The following EFCAB7 variants were observed in gnomAD, a reference collection of about 807,000 sequenced individuals.
EFCAB7 encodes EF-hand calcium-binding domain-containing protein 7.
In EFCAB7, 66 loss-of-function variants were observed where a neutral mutation model predicts 77.1. The observed-to-expected ratio is 0.86, with a 90% CI of 0.70 to 1.05. The LOEUF (loss-of-function observed/expected upper bound fraction) is 1.05, where lower values mean the gene tolerates loss of function less well. EFCAB7 is among the 50% of genes least tolerant of loss of function. The probability of loss-of-function intolerance (pLI) is 0.00; values close to 1 mark genes in which losing one functional copy is unlikely to be tolerated. For synonymous variants in EFCAB7, 225 were observed against 243.3 expected (o/e 0.92, Z 0.70); for missense variants, 638 against 730.5 (o/e 0.87, Z 1.46).
intron 11 of EFCAB7, among the ~76,000 whole-genome samples, chr1:63,567,550 A>G (rs191672601): frequency 1.3e-3 from 198 of 152,334 alleles, no homozygotes; most frequent in Non-Finnish European, 2.0e-3. Flanking sequence ...TTGGGGGGCC[A>G]GAGCAGATCC....
intron 11 of EFCAB7, among the ~76,000 whole-genome samples, chr1:63,563,018 T>C (rs1557687621): frequency 6.6e-6 from 1 of 152,160 alleles, no homozygotes; most frequent in Non-Finnish European, 1.5e-5. Flanking sequence ...TGAATAGTTA[T>C]GGTAACTATT....
At chr1:63,568,589 C>G in intron 12 of EFCAB7, 70 bp downstream of exon 12, 3 of 1,220,094 alleles carry the variant, frequency 2.5e-6, no homozygotes, top group Non-Finnish European at 3.5e-6. Context: ...TTATTCCTTA[C>G]TCTATTCGTA....
chr1:63,528,225 C>T (rs1646631018), intron 2 of EFCAB7, among the ~76,000 whole-genome samples: 1 of 152,130 alleles, frequency 6.6e-6, no homozygotes. Context: ...GGTACATATA[C>T]ACAGTGGAGT....
chr1:63,539,020 A>C (rs1289760135), intron 6 of EFCAB7, among the ~76,000 whole-genome samples: 1 of 152,190 alleles, frequency 6.6e-6, no homozygotes, highest in Non-Finnish European at 1.5e-5. Flanking sequence ...TTTCCAAAGA[A>C]ACTCACAAAT....
chr1:63,556,034 A>C (rs991400399), intron 9 of EFCAB7, among the ~76,000 whole-genome samples: 1 of 152,162 alleles, frequency 6.6e-6, no homozygotes, highest in African/African-American at 2.4e-5. Flanking sequence ...CACCACATCC[A>C]GCCTTATATG....
At chr1:63,537,282 C>T (rs1020104073) in intron 6 of EFCAB7, among the ~76,000 whole-genome samples, 14 of 152,092 alleles carry the variant, frequency 9.2e-5, no homozygotes, top group African/African-American at 3.4e-4. Flanking sequence ...TTAGAGTAAG[C>T]CCCAAACTAT....
intron 10 of EFCAB7, among the ~76,000 whole-genome samples, chr1:63,559,960 A>AT (rs35445895): frequency 4.3e-4 from 63 of 148,110 alleles, no homozygotes; most frequent in South Asian, 1.5e-3. Context: ...AGTGTTAATA[A>AT]TTTTTTTTTT....
At chr1:63,578,563 T>C in the EFCAB7 span, among the ~76,000 whole-genome samples, 1 of 151,978 alleles carries the variant, frequency 6.6e-6, no homozygotes, top group South Asian at 2.1e-4. Flanking sequence ...TGCCTCAGCC[T>C]CCCGAGTAGC....
chr1:63,554,597 C>T (rs1048953937), intron 8 of EFCAB7, among the ~76,000 whole-genome samples: 1 of 152,242 alleles, frequency 6.6e-6, no homozygotes, highest in African/African-American at 2.4e-5. Context: ...ACCTTGGCCT[C>T]CCAAAGTGCT....
At chr1:63,580,366 A>G in the EFCAB7 span, among the ~76,000 whole-genome samples, 1 of 152,164 alleles carries the variant, frequency 6.6e-6, no homozygotes, top group African/African-American at 2.4e-5. Context: ...TGAAAAATTC[A>G]CTGGTCATAT....
chr1:63,568,214 CT>C (rs1301101768), intron 11 of EFCAB7, 95 bp from the exon 12 acceptor site: 8 of 1,034,614 alleles, frequency 7.7e-6, no homozygotes, highest in Non-Finnish European at 1.1e-5. Context: ...GAAGGACAAG[CT>C]AGAAGGTATA....
chr1:63,584,500 T>TA, the EFCAB7 span, among the ~76,000 whole-genome samples: 2 of 152,102 alleles, frequency 1.3e-5, no homozygotes, highest in African/African-American at 4.8e-5. Context: ...TGCAGTGAGC[T>TA]ATGATTGCAC....
At chr1:63,573,697 T>C (rs1647332501), downstream of EFCAB7, among the ~76,000 whole-genome samples, 1 of 152,068 alleles carries the variant, frequency 6.6e-6, no homozygotes, top group African/African-American at 2.4e-5. Context: ...ACAGTCCAAG[T>C]TGGTCTGGTG....
downstream of EFCAB7, among the ~76,000 whole-genome samples, chr1:63,576,402 C>T (rs993301387): frequency 6.6e-6 from 1 of 152,022 alleles, no homozygotes; most frequent in African/African-American, 2.4e-5. Flanking sequence ...ATCGCTTGAA[C>T]CCTGGAGGCA....
the EFCAB7 span, among the ~76,000 whole-genome samples, chr1:63,583,237 C>T: frequency 6.6e-6 from 1 of 152,132 alleles, no homozygotes; most frequent in Non-Finnish European, 1.5e-5. Context: ...TGAATGCAGT[C>T]ACATTTATGA....
chr1:63,575,211 T>C (rs1359932998), downstream of EFCAB7, among the ~76,000 whole-genome samples: 1 of 152,088 alleles, frequency 6.6e-6, no homozygotes, highest in Admixed American at 6.5e-5. Flanking sequence ...AGTTTAAGTA[T>C]CAAGTACTGT....
At chr1:63,556,970 G>A (rs535078283) in intron 9 of EFCAB7, 144 bp from the exon 10 acceptor site, 19 of 482,228 alleles carry the variant, frequency 3.9e-5, no homozygotes, top group South Asian at 1.1e-4. Flanking sequence ...CCCAGGAGGC[G>A]GTGCTTGCAG....
chr1:63,542,332 G>C (rs75385868), intron 6 of EFCAB7, among the ~76,000 whole-genome samples: 2 of 152,046 alleles, frequency 1.3e-5, no homozygotes, highest in Non-Finnish European at 2.9e-5. Context: ...TATTTACCAT[G>C]TTTTGTTTAT....
chr1:63,578,770 T>C, the EFCAB7 span, among the ~76,000 whole-genome samples: 1 of 151,736 alleles, frequency 6.6e-6, no homozygotes, highest in African/African-American at 2.4e-5. Flanking sequence ...CATATATAAA[T>C]TGAGTCCCTA....
Sources: gnomAD v4.1 joint callset for allele counts (sites outside exome capture counted in the v4.1 genomes callset) on GRCh38, gnomAD v4.1.1 for gene constraint, MANE v1.5 for transcripts, NCBI Gene and HGNC (gene_info 2026-07-23, HGNC 2026-07-21) for gene names.